Variants in DHX37 observed in about 807,000 individuals in gnomAD.
DHX37 encodes probable ATP-dependent RNA helicase DHX37.
In DHX37, 52 loss-of-function variants were observed where a neutral mutation model predicts 134.3. The ratio of observed to expected loss-of-function variants is 0.39; its 90% CI spans 0.31 to 0.49. The LOEUF is 0.49. Ranked by LOEUF, DHX37 falls within the 20% of genes least tolerant of loss-of-function variation. The pLI is 0.93. For missense variants in DHX37, 1,344 were observed against 1,580.8 expected (o/e 0.85, Z 2.54); for synonymous variants, 634 against 670.7 (o/e 0.95, Z 0.85).
At chr12:124,975,693 GA>G (rs1245577560) in intron 5 of DHX37, among the ~76,000 whole-genome samples, 182 bp from the exon 6 acceptor site, 1 of 152,196 alleles carries the variant, frequency 6.6e-6, no homozygotes, top group African/African-American at 2.4e-5. Context: ...CCAACACATA[GA>G]AAACGGTTCG....
chr12:124,964,072 G>A, intron 15 of DHX37, among the ~76,000 whole-genome samples: 1 of 151,722 alleles, frequency 6.6e-6, no homozygotes, highest in East Asian at 1.9e-4. Flanking sequence ...GCGCACACCA[G>A]TAATCCCAGC....
intron 16 of DHX37, among the ~76,000 whole-genome samples, chr12:124,959,826 G>A (rs1162602438): frequency 2.0e-5 from 3 of 152,192 alleles, no homozygotes; most frequent in Admixed American, 1.3e-4. Context: ...TGTGTCCCTG[G>A]ACAAAAACCT....
rs1234763887 is a variant in DHX37, at chr12:124,950,191, A to C, written c.3174T>G (p.Ile1058Met). ...PAIEVDFPEG[I>M]DRYKHFARFL... ...ACCGGGCAAAGTGCTTGTAGCGGTC[A>C]ATCCCCTCTGGAAAATCCACCTCGA... The change falls in exon 24 of 27, where the codon ATT (isoleucine) becomes ATG (methionine). Residue 1058 changes from isoleucine (I) to methionine (M), a missense_variant. Transcript: ENST00000308736. The C allele has an allele frequency of 6.2e-7, 1 of 1,613,940 alleles. No homozygotes were observed. The highest frequency in any genetic ancestry group is 8.5e-7 in the Non-Finnish European group (1 of 1,180,036).
chr12:124,974,140 G>A (rs984970320), intron 6 of DHX37, among the ~76,000 whole-genome samples: 1 of 150,842 alleles, frequency 6.6e-6, no homozygotes, highest in South Asian at 2.1e-4. Flanking sequence ...TTTTTTTCAA[G>A]AGATGGGGTT....
intron 13 of DHX37, 63 bp from the exon 14 acceptor site, chr12:124,965,069 G>A: frequency 6.5e-7 from 1 of 1,531,232 alleles, no homozygotes; most frequent in South Asian, 1.2e-5. Flanking sequence ...GCAGGAGCTG[G>A]CCACAGCGGC....
At chr12:124,970,595 C>T (rs906193498) in intron 8 of DHX37, among the ~76,000 whole-genome samples, 4 of 152,170 alleles carry the variant, frequency 2.6e-5, no homozygotes, top group Non-Finnish European at 5.9e-5. Context: ...CCTGTGTCCT[C>T]CCTCCACTGC....
At chr12:124,983,406 CTA>C (rs1218973631) in intron 2 of DHX37, among the ~76,000 whole-genome samples, 1 of 128,154 alleles carries the variant, frequency 7.8e-6, no homozygotes, top group Admixed American at 7.7e-5. Context: ...CTACACACTT[CTA>C]TGTGTGTATT....
At chr12:124,955,891 G>T (rs1423434530) in intron 18 of DHX37, among the ~76,000 whole-genome samples, 2 of 138,198 alleles carry the variant, frequency 1.4e-5, no homozygotes, top group East Asian at 5.0e-4. Context: ...CAGTGATGTG[G>T]CCTAAAGCAA....
rs35016004 is a variant in DHX37 at position 124,960,320 on chromosome 12, C to T, written c.2149G>A (p.Val717Ile). The change falls in exon 16 of 27, where the codon GTT becomes ATT. Residue 717 changes from valine (V) to isoleucine (I), a missense_variant. Transcript: ENST00000308736. Reference sequence around the variant, plus strand: ...TGGGGGCAGCAACTGACCTTTTCAACGTTGAGCGCCTTCATTTGAAGGATT... The same window carrying T: ...TGGGGGCAGCAACTGACCTTTTCAATGTTGAGCGCCTTCATTTGAAGGATT... The part of the protein sequence containing the change: ...DLILQMKALN[V>I]EKVINFPFPT... 1.7e-3 allele frequency: 2,667 copies of T among 1,613,144 alleles called. 33 individuals carry two copies. The African/African-American group carries it at 0.027, about 16-fold the overall frequency.
rs1400787028 is a variant in DHX37 at position 124,980,690 on chromosome 12, C to T, written c.538G>A (p.Asp180Asn). Residue 180 changes from aspartate to asparagine, a missense_variant, in exon 4 of 27, where the codon GAC becomes AAC. Asp to Asn is a conservative substitution (Grantham distance 23, BLOSUM62 1). This residue lies in a region of DHX37 where 319 missense variants were observed against 296.1 expected (regional missense o/e 1.08). Coordinates refer to ENST00000308736, the MANE Select transcript of DHX37 (RefSeq NM_032656.4). The surrounding 1 kb of genome is among the most constrained non-coding windows in gnomAD (Gnocchi z 5.3). Reference sequence around the variant, plus strand: ...GCCGGCTCAGCAGCTGGGTCCTCGTCCAGCTCCGACTCCTCCTCCAGCTCC... The same window carrying T: ...GCCGGCTCAGCAGCTGGGTCCTCGTTCAGCTCCGACTCCTCCTCCAGCTCC... The part of the protein sequence containing the change: ...ESELEEESEL[D>N]EDPAAEPAEA... The T allele has an allele frequency of 2.5e-6, 4 of 1,579,722 alleles. 1 individual carries two copies. In the South Asian group the frequency reaches 4.5e-5, roughly 18 times the overall value.
Position 124,947,550 on chromosome 12 carries a change from C to T in DHX37, c.*252G>A, listed in dbSNP as rs3803142. On this transcript the variant is annotated 3_prime_UTR_variant, in exon 27 of 27. Coordinates refer to ENST00000308736, the MANE Select transcript of DHX37 (RefSeq NM_032656.4). ...AGAGCACACTGAACAGAACAGCGTC[C>T]AGCACGTGAGATGAAATCATCATCC... The T allele has an allele frequency of 6.7e-5, 33 of 489,460 alleles. No individual in the cohort carries two copies. The East Asian group carries it at 1.1e-3, about 16-fold the overall frequency. The allele number at this position is 489,460 out of a possible 1,614,324, so 30.3% of individuals were successfully genotyped here. A position where few individuals can be genotyped will look rare whatever the true frequency, so the allele number is the denominator to read the frequency against.
chr12:124,975,376 C>G lies in DHX37; in HGVS notation c.980+43G>C, dbSNP rs58363220. 2,133 of 1,599,890 alleles carry G rather than the reference C, an allele frequency of 1.3e-3. 19 individuals carry two copies. The African/African-American group carries it at 0.02, about 15-fold the overall frequency. On this transcript the variant is annotated intron_variant, in intron 6 of 26. Transcript: ENST00000308736. ...GGCTTCCCACATCTGGGCAAGGCCA[C>G]AGGACCACCCCATAGTCCGCCCCAG...
intron 15 of DHX37, among the ~76,000 whole-genome samples, chr12:124,962,929 G>A (rs2135942837): frequency 6.6e-6 from 1 of 152,312 alleles, no homozygotes; most frequent in East Asian, 1.9e-4. Context: ...GGCAGCTGCT[G>A]TGGAAAACAG....
chr12:124,971,613 G>A (rs1038410078), intron 7 of DHX37, among the ~76,000 whole-genome samples, 198 bp from the exon 8 acceptor site: 1 of 152,152 alleles, frequency 6.6e-6, no homozygotes, highest in Non-Finnish European at 1.5e-5. Flanking sequence ...GTGGGGCCGT[G>A]GGCAGTTGGA....
chr12:124,984,726 G>A (rs984923978), intron 2 of DHX37, among the ~76,000 whole-genome samples: 1 of 152,070 alleles, frequency 6.6e-6, no homozygotes, highest in South Asian at 2.1e-4. Context: ...TGGTATTCTG[G>A]TCATTTTTAA....
chr12:124,966,043 C>T lies in DHX37; in HGVS notation c.1591-231G>A, dbSNP rs560451321. On this transcript the variant is annotated intron_variant, in intron 12 of 26. Coordinates refer to ENST00000308736, the MANE Select transcript of DHX37 (RefSeq NM_032656.4). ...CTGGTGGGAGGGTTGTGTGAACACACGTGAGGAACCTGGATCGCTGCCTGA... is the reference window on the plus strand; with the variant it reads ...CTGGTGGGAGGGTTGTGTGAACACATGTGAGGAACCTGGATCGCTGCCTGA... Among the ~76,000 whole-genome samples, 5 of 152,344 alleles carry T rather than the reference C, an allele frequency of 3.3e-5. No individual in the cohort carries two copies. In the East Asian group the frequency reaches 5.8e-4, roughly 18 times the overall value.
chr12:124,954,404 T>C (rs1208695128), intron 18 of DHX37, among the ~76,000 whole-genome samples, 193 bp from the exon 19 acceptor site: 2 of 152,006 alleles, frequency 1.3e-5, no homozygotes, highest in South Asian at 2.1e-4. Context: ...CTTTTTTTTT[T>C]CTTTTTTTTG....
intron 16 of DHX37, 112 bp from the exon 17 acceptor site, chr12:124,957,247 C>T: frequency 9.8e-7 from 1 of 1,024,924 alleles, no homozygotes; most frequent in Non-Finnish European, 1.3e-6. Context: ...GGGCTCAGCT[C>T]ATGCCAGTGG....
At position 124,968,911 on chromosome 12, in the gene DHX37, T is replaced by C; in HGVS notation, c.1249A>G (p.Thr417Ala). ...TTGGCGAAGAGCCGTGGGTTCTGGG[T>C]GAAGTCCTCCACCCGCAGCGTGGCC... is the stretch of plus-strand genomic sequence containing the variant. Reference protein sequence around the residue: ...MSATLRVEDFTQNPRLFAKPP... With the variant: ...MSATLRVEDFAQNPRLFAKPP... Residue 417 changes from threonine (T) to alanine (A), a missense_variant, in exon 9 of 27, where the codon ACC becomes GCC. Around this residue, in one of 7 missense-constraint regions of DHX37, gnomAD observed 289 missense variants for 323.8 expected, o/e 0.89. Coordinates refer to ENST00000308736, the MANE Select transcript of DHX37 (RefSeq NM_032656.4). 1 of 1,614,040 alleles carries C rather than the reference T, an allele frequency of 6.2e-7. No homozygotes were observed. Among genetic ancestry groups the C allele is most frequent in the Non-Finnish European group, 8.5e-7 (1 of 1,180,022 alleles).
Sources: allele counts gnomAD v4.1 joint callset (sites outside exome capture counted in the v4.1 genomes callset), GRCh38; gene constraint gnomAD v4.1.1; regional missense constraint gnomAD v4.1.1; non-coding constraint Gnocchi (gnomAD v3.1); transcripts MANE v1.5; gene names NCBI Gene and HGNC (gene_info 2026-07-23, HGNC 2026-07-21).